TMCC3: variants seen among roughly 807,000 people sequenced by gnomAD.
TMCC3 encodes the protein transmembrane and coiled-coil domain protein 3.
TMCC3 carries 28 observed loss-of-function variants against 40.2 expected under a neutral mutation model. That is an observed-to-expected ratio of 0.70 (90% CI 0.52 to 0.95). The LOEUF (loss-of-function observed/expected upper bound fraction) is 0.95. Among genes scored for constraint, TMCC3 ranks in the 40% least tolerant of loss-of-function variants. The probability of loss-of-function intolerance (pLI) is 0.00; values close to 1 mark genes in which losing one functional copy is unlikely to be tolerated. For synonymous variants in TMCC3, 255 were observed against 248.5 expected (o/e 1.03, Z -0.25); for missense variants, 554 against 615.2 (o/e 0.90, Z 1.05).
At chr12:94,590,991 G>A (rs1055595373) in intron 1 of TMCC3, 2 of 558,106 alleles carry the variant, frequency 3.6e-6, no homozygotes, top group African/African-American at 3.8e-5. Flanking sequence ...TGGGAGATGA[G>A]GAAGAAACCG....
chr12:94,604,404 G>A (rs1265635706), intron 1 of TMCC3, among the ~76,000 whole-genome samples: 2 of 151,986 alleles, frequency 1.3e-5, no homozygotes, highest in Admixed American at 6.6e-5. Context: ...TGTTTTTCTG[G>A]GCATCTTTTG....
Position 94,584,074 on chromosome 12 carries a change from C to G in TMCC3, c.79-1536G>C, listed in dbSNP as rs1029987165. Among the ~76,000 whole-genome samples the G allele has an allele frequency of 1.3e-5, 2 of 152,046 alleles. 1 individual carries two copies. Among genetic ancestry groups the G allele is most frequent in the South Asian group, 4.1e-4 (2 of 4,820 alleles). On this transcript the variant is annotated intron_variant, in intron 1 of 3. Coordinates refer to ENST00000261226, the MANE Select transcript of TMCC3 (RefSeq NM_020698.4). ...AATTAGTAAAAAATTAATGAATCTC[C>G]CACTAAGTGATATGGTTTGGATCTG... is the stretch of plus-strand genomic sequence containing the variant.
In TMCC3 at chr12:94,570,969, A is replaced by G. The variant is rs2068523654; in HGVS notation, c.*466T>C. On this transcript the variant is annotated 3_prime_UTR_variant, in exon 4 of 4. Coordinates refer to ENST00000261226, the MANE Select transcript of TMCC3 (RefSeq NM_020698.4). The stretch of plus-strand genomic sequence containing the variant: ...AAGCAGGGTGGATCACACGGGGACC[A>G]TAGGCCACAGTGTTTAACACTGCCC... The G allele has an allele frequency of 5.7e-6, 1 of 176,852 alleles. No homozygotes were observed. Among genetic ancestry groups the G allele is most frequent in the East Asian group, 1.5e-4 (1 of 6,754 alleles). 11.0% of individuals were successfully genotyped at this position (176,852 alleles called of 1,614,324 possible). A position where few individuals can be genotyped will look rare whatever the true frequency, so the allele number is the denominator to read the frequency against.
intron 1 of TMCC3, among the ~76,000 whole-genome samples, chr12:94,588,448 G>T (rs1004615506): frequency 6.6e-6 from 1 of 152,126 alleles, no homozygotes; most frequent in Non-Finnish European, 1.5e-5. Context: ...AGATGACAAC[G>T]GCCTGCTTAG....
rs114364403 is a variant in TMCC3, at chr12:94,637,300, T to C, written c.78+13053A>G. The stretch of plus-strand genomic sequence containing the variant: ...AGGGGTACATGGGACATCTCTGTAC[T>C]ATTTTGTGCAAATTTCTGTAGAGCT... On this transcript the variant is annotated intron_variant, in intron 1 of 3. Transcript: ENST00000261226. 8.3e-3 allele frequency among the ~76,000 whole-genome samples: 1,269 copies of C among 152,368 alleles called. 17 individuals carry two copies. Among genetic ancestry groups the C allele is most frequent in the African/African-American group, 0.029 (1,214 of 41,586 alleles).
chr12:94,637,709 T>C (rs2068967565), intron 1 of TMCC3, among the ~76,000 whole-genome samples: 1 of 152,254 alleles, frequency 6.6e-6, no homozygotes, highest in Non-Finnish European at 1.5e-5. Flanking sequence ...GGAAGCAATA[T>C]ACCTGTCCTT....
intron 1 of TMCC3, chr12:94,598,729 A>T (rs892951206): frequency 4.1e-6 from 4 of 985,464 alleles, no homozygotes; most frequent in Non-Finnish European, 4.8e-6. Flanking sequence ...AGACGTTTAA[A>T]GGCTCCAAAG....
intron 1 of TMCC3, among the ~76,000 whole-genome samples, chr12:94,583,008 GGGGAAAAATA>G (rs2068616173): frequency 7.0e-6 from 1 of 142,050 alleles, no homozygotes; most frequent in African/African-American, 2.6e-5. Flanking sequence ...AAAGAAAGAT[GGGGAAAAATA>G]GGGAAAAAGA....
chr12:94,646,638 C>A (rs1163293101), intron 1 of TMCC3, among the ~76,000 whole-genome samples: 1 of 151,318 alleles, frequency 6.6e-6, no homozygotes, highest in African/African-American at 2.4e-5. Context: ...AGGGTTTCAA[C>A]ATGTTGGCCA....
intron 1 of TMCC3, chr12:94,609,967 T>C (rs2068805683): frequency 6.6e-6 from 1 of 152,180 alleles, no homozygotes; most frequent in African/African-American, 2.4e-5. Flanking sequence ...CCCATGTCCA[T>C]GCCCTAGTTG....
At chr12:94,578,327 A>G (rs776659844) in intron 3 of TMCC3, 67 bp downstream of exon 3, 6 of 1,552,840 alleles carry the variant, frequency 3.9e-6, no homozygotes, top group Non-Finnish European at 5.2e-6. Flanking sequence ...ATAAACATTT[A>G]GACTGTTAAA....
chr12:94,633,414 G>C (rs2068943886), intron 1 of TMCC3, among the ~76,000 whole-genome samples: 1 of 152,150 alleles, frequency 6.6e-6, no homozygotes, highest in African/African-American at 2.4e-5. Flanking sequence ...ATTAAATCTA[G>C]GAGGCAGATA....
At chr12:94,635,336 A>G (rs1452215500) in intron 1 of TMCC3, among the ~76,000 whole-genome samples, 3 of 152,154 alleles carry the variant, frequency 2.0e-5, no homozygotes, top group Non-Finnish European at 4.4e-5. Flanking sequence ...CAGAACACAA[A>G]GTTAGGCTGG....
At chr12:94,637,831 C>A (rs1475461712) in intron 1 of TMCC3, among the ~76,000 whole-genome samples, 3 of 152,192 alleles carry the variant, frequency 2.0e-5, no homozygotes, top group African/African-American at 4.8e-5. Flanking sequence ...GTAGAATAAG[C>A]TTTCCAGCTT....
At position 94,578,356 on chromosome 12, in the gene TMCC3, G is replaced by A. The variant is rs1033617299; in HGVS notation, c.1131+38C>T. The A allele has an allele frequency of 2.2e-5, 35 of 1,589,466 alleles. No individual in the cohort carries two copies. The Admixed American group carries it at 6.1e-4, about 28-fold the overall frequency. ...TGTTAAATGAATTAAGGCTCGGGAA[G>A]AGCCCAGGCCTGTGTCTAATCACAA... On this transcript the variant is annotated intron_variant, in intron 3 of 3. Transcript: ENST00000261226.
intron 2 of TMCC3, among the ~76,000 whole-genome samples, chr12:94,578,768 C>T (rs550175100): frequency 6.6e-5 from 10 of 152,284 alleles, no homozygotes; most frequent in East Asian, 3.9e-4. Flanking sequence ...AAGGTGCACA[C>T]GGGTCAGACT....
At chr12:94,618,220 T>C (rs1377814911) in intron 1 of TMCC3, among the ~76,000 whole-genome samples, 1 of 152,214 alleles carries the variant, frequency 6.6e-6, no homozygotes, top group East Asian at 1.9e-4. Context: ...CTAACTTGTC[T>C]TTACCTATTT....
At chr12:94,587,422 C>A (rs1224295182) in intron 1 of TMCC3, among the ~76,000 whole-genome samples, 1 of 152,170 alleles carries the variant, frequency 6.6e-6, no homozygotes, top group Non-Finnish European at 1.5e-5. Flanking sequence ...GACAGTACTG[C>A]ATCATAAAAA....
chr12:94,603,406 C>A (rs549510565), intron 1 of TMCC3, among the ~76,000 whole-genome samples: 1 of 151,924 alleles, frequency 6.6e-6, no homozygotes, highest in Non-Finnish European at 1.5e-5. Context: ...CATGAGCCAT[C>A]CCTTTATAAT....
Sources: allele counts gnomAD v4.1 joint callset (sites outside exome capture counted in the v4.1 genomes callset), GRCh38; gene constraint gnomAD v4.1.1; transcripts MANE v1.5; gene names NCBI Gene and HGNC (gene_info 2026-07-23, HGNC 2026-07-21).